Variants in BAZ2B observed in about 807,000 individuals in gnomAD.
The protein encoded by BAZ2B is bromodomain adjacent to zinc finger domain protein 2B.
A neutral mutation model predicts 246.0 loss-of-function variants in BAZ2B; 91 were observed. The observed-to-expected ratio is 0.37, with a 90% CI of 0.31 to 0.44. The LOEUF (loss-of-function observed/expected upper bound fraction) is 0.44. Among genes scored for constraint, BAZ2B ranks in the 20% least tolerant of loss-of-function variants. The pLI, the probability that BAZ2B is intolerant of heterozygous loss-of-function variation, is 1.00. For synonymous variants in BAZ2B, 855 were observed against 860.0 expected, an observed-to-expected ratio of 0.99 and a Z score of 0.10; for missense variants, 2,332 against 2,533.7, an observed-to-expected ratio of 0.92 and a Z score of 1.71.
intron 2 of BAZ2B, among the ~76,000 whole-genome samples, chr2:159,496,358 T>C (rs1253298521): frequency 1.8e-5 from 2 of 113,046 alleles, no homozygotes; most frequent in African/African-American, 3.6e-5. Context: ...AGCCTGGTGA[T>C]AGAGCAAGAC....
intron 1 of BAZ2B, chr2:159,615,843 G>C (rs1446040508): frequency 2.0e-5 from 3 of 152,444 alleles, no homozygotes; most frequent in Admixed American, 1.3e-4. Flanking sequence ...CGGCGGACTC[G>C]CGGCGGCAGC....
At position 159,386,523 on chromosome 2, in the gene BAZ2B, G is replaced by A. The variant is rs2062675487; in HGVS notation, c.3301C>T (p.Arg1101Ter). The A allele has an allele frequency of 1.2e-6, 2 of 1,613,446 alleles. No homozygotes were observed. Among genetic ancestry groups the A allele is most frequent in the Non-Finnish European group, 1.7e-6 (2 of 1,179,732 alleles). The change falls in exon 22 of 37, where the codon CGA becomes TGA. Residue 1101 changes from arginine to a stop codon, truncating the protein, a stop_gained. Transcript: ENST00000392783. LOFTEE classifies it high-confidence loss of function. ...AAGCCCAAAACTTTACCAAAGTTTCGTAAGAACTGCACCACCATGAGACAG... is the reference window on the plus strand; with the variant it reads ...AAGCCCAAAACTTTACCAAAGTTTCATAAGAACTGCACCACCATGAGACAG... ...SDCLMVVQFL[R>*]NFGKVLGFDV...
chr2:159,531,878 A>G (rs79070875), intron 2 of BAZ2B, among the ~76,000 whole-genome samples: 4,756 of 152,314 alleles, frequency 0.031, 251 homozygotes, highest in African/African-American at 0.11. Context: ...TATTCATGCT[A>G]ACTTGCAAAA....
At position 159,418,601 on chromosome 2, in the gene BAZ2B, A is replaced by AT. The variant is rs921184717; in HGVS notation, c.2467-6057dup. ...CCATTTTTTAAATACTTGTAAGCTG[A>AT]TTTTTTTTTTTGGGAAAAGCAGTAT... On this transcript the variant is annotated intron_variant, in intron 13 of 36. Transcript: ENST00000392783. Among the ~76,000 whole-genome samples the AT allele has an allele frequency of 3.3e-3, 487 of 146,876 alleles. 5 individuals carry two copies. Among genetic ancestry groups the AT allele is most frequent in the Admixed American group, 4.8e-3 (70 of 14,716 alleles).
At chr2:159,333,035 T>A (rs1396495899) in intron 33 of BAZ2B, 1 of 162,950 alleles carries the variant, frequency 6.1e-6, no homozygotes, top group African/African-American at 2.4e-5. Flanking sequence ...ACATGATGTT[T>A]TATTTGTTTA....
intron 6 of BAZ2B, among the ~76,000 whole-genome samples, chr2:159,442,380 T>G (rs1160534190): frequency 6.6e-6 from 1 of 152,192 alleles, no homozygotes. Context: ...TAAGCATGGA[T>G]GAACTGGTGG....
chr2:159,622,406 C>T, the BAZ2B span, among the ~76,000 whole-genome samples: 5 of 151,452 alleles, frequency 3.3e-5, no homozygotes, highest in African/African-American at 1.2e-4. Flanking sequence ...TGAACCTATA[C>T]AAGTACTAAA....
intron 4 of BAZ2B, among the ~76,000 whole-genome samples, chr2:159,449,467 T>C (rs1296323594): frequency 6.6e-6 from 1 of 152,186 alleles, no homozygotes; most frequent in African/African-American, 2.4e-5. Flanking sequence ...TTATATAATA[T>C]TAAAAACTTT....
chr2:159,394,734 C>T, intron 20 of BAZ2B, among the ~76,000 whole-genome samples: 1 of 152,120 alleles, frequency 6.6e-6, no homozygotes, highest in East Asian at 1.9e-4. Context: ...TACACAGAGA[C>T]ACATATCCAT....
intron 2 of BAZ2B, among the ~76,000 whole-genome samples, chr2:159,501,182 ATT>A (rs1202551563): frequency 4.7e-5 from 5 of 105,600 alleles, no homozygotes; most frequent in African/African-American, 1.1e-4. Flanking sequence ...TATTATATAT[ATT>A]TATATATAAT....
At chr2:159,373,001 A>G (rs773727644) in intron 27 of BAZ2B, 44 bp downstream of exon 27, 2 of 1,549,920 alleles carry the variant, frequency 1.3e-6, no homozygotes, top group East Asian at 4.5e-5. Flanking sequence ...TTTAAAATAT[A>G]TAGTTTCTTA....
the BAZ2B span, among the ~76,000 whole-genome samples, chr2:159,688,018 TA>T: frequency 6.6e-6 from 1 of 152,204 alleles, no homozygotes; most frequent in Non-Finnish European, 1.5e-5. Flanking sequence ...CTTAAATTAT[TA>T]TAAAGTAAAA....
chr2:159,690,391 G>A, the BAZ2B span: 1 of 169,010 alleles, frequency 5.9e-6, no homozygotes, highest in African/African-American at 2.4e-5. Flanking sequence ...GTATTTTAAA[G>A]CTTTTCTCAA....
chr2:159,634,010 G>A, the BAZ2B span, among the ~76,000 whole-genome samples: 2 of 152,032 alleles, frequency 1.3e-5, no homozygotes, highest in African/African-American at 4.8e-5. Context: ...AAAGTGCTGG[G>A]ATTACAGGTG....
chr2:159,513,922 C>T (rs1341716081), intron 2 of BAZ2B, among the ~76,000 whole-genome samples: 4 of 152,128 alleles, frequency 2.6e-5, no homozygotes, highest in Admixed American at 2.6e-4. Context: ...TCTCCATACC[C>T]GTACTCACAA....
At chr2:159,377,235 C>T (rs535830264) in intron 25 of BAZ2B, among the ~76,000 whole-genome samples, 26 of 152,232 alleles carry the variant, frequency 1.7e-4, no homozygotes, top group African/African-American at 6.0e-4. Flanking sequence ...CTACTTAAAA[C>T]TTAACTGAGA....
intron 26 of BAZ2B, among the ~76,000 whole-genome samples, chr2:159,374,384 T>C (rs2061193269): frequency 6.6e-6 from 1 of 152,200 alleles, no homozygotes; most frequent in African/African-American, 2.4e-5. Flanking sequence ...TAATTGACAT[T>C]TTGTATTTAT....
At chr2:159,633,738 C>CTT in the BAZ2B span, among the ~76,000 whole-genome samples, 446 of 120,232 alleles carry the variant, frequency 3.7e-3, 8 homozygotes, top group African/African-American at 0.012. Context: ...TCACTTTATT[C>CTT]TTTTTTTTTT....
At chr2:159,318,897 A>C (rs2062390994), downstream of BAZ2B, 3 of 152,220 alleles carry the variant, frequency 2.0e-5, no homozygotes, top group South Asian at 6.2e-4. Flanking sequence ...TTCCTCCTAC[A>C]GGTCTCTGTA....
Sources: gnomAD v4.1 joint callset for allele counts (sites outside exome capture counted in the v4.1 genomes callset) on GRCh38, gnomAD v4.1.1 for gene constraint, MANE v1.5 for transcripts, NCBI Gene and HGNC (gene_info 2026-07-23, HGNC 2026-07-21) for gene names.